HHAT: variants seen among roughly 807,000 people sequenced by gnomAD.
HHAT encodes protein-cysteine N-palmitoyltransferase HHAT.
Under a neutral mutation model 70.8 loss-of-function variants are expected in HHAT, and 47 were observed. The ratio of observed to expected loss-of-function variants is 0.66; its 90% CI spans 0.53 to 0.85. The LOEUF (loss-of-function observed/expected upper bound fraction) is 0.85, where lower values mean the gene tolerates loss of function less well. Among genes scored for constraint, HHAT ranks in the 40% least tolerant of loss-of-function variants. The probability of loss-of-function intolerance (pLI) is 0.00; values close to 1 mark genes in which losing one functional copy is unlikely to be tolerated. For missense variants in HHAT, 609 were observed against 604.8 expected, an observed-to-expected ratio of 1.01 and a Z score of -0.07; for synonymous variants, 228 against 247.6, an observed-to-expected ratio of 0.92 and a Z score of 0.74.
At chr1:210,352,872 C>T (rs1014719972) in intron 2 of HHAT, among the ~76,000 whole-genome samples, 35 of 151,914 alleles carry the variant, frequency 2.3e-4, no homozygotes, top group African/African-American at 8.2e-4. Context: ...TAATCCACAG[C>T]TGTTGCATTA....
intron 6 of HHAT, among the ~76,000 whole-genome samples, chr1:210,414,230 G>A (rs76170311): frequency 0.03 from 4,571 of 152,222 alleles, 240 homozygotes; most frequent in African/African-American, 0.1. Flanking sequence ...CTTGATGACA[G>A]CACTAATCCT....
intron 7 of HHAT, among the ~76,000 whole-genome samples, chr1:210,418,792 G>C (rs2092804320): frequency 6.6e-6 from 1 of 152,116 alleles, no homozygotes; most frequent in Admixed American, 6.5e-5. Context: ...AAGCACTTTG[G>C]GAGGCTGAAG....
chr1:210,374,630 A>T (rs1216199147), intron 3 of HHAT, among the ~76,000 whole-genome samples: 1 of 151,764 alleles, frequency 6.6e-6, no homozygotes, highest in East Asian at 1.9e-4. Flanking sequence ...CCCTTTTTGT[A>T]TAATGGGACT....
At chr1:210,571,507 A>T (rs1384460780) in intron 9 of HHAT, among the ~76,000 whole-genome samples, 1 of 152,190 alleles carries the variant, frequency 6.6e-6, no homozygotes, top group Non-Finnish European at 1.5e-5. Flanking sequence ...CCCCACACTC[A>T]GGACCTGGCT....
At chr1:210,394,462 C>T (rs2091664281) in intron 4 of HHAT, among the ~76,000 whole-genome samples, 1 of 152,060 alleles carries the variant, frequency 6.6e-6, no homozygotes, top group South Asian at 2.1e-4. Flanking sequence ...CAGACAGTTG[C>T]CTCCTTTCAT....
rs749015922 is a variant in HHAT at position 210,418,160 on chromosome 1, C to T, written c.691C>T (p.Gln231Ter). 2 of 1,613,980 alleles carry T rather than the reference C, an allele frequency of 1.2e-6. No homozygotes were observed. The highest frequency in any genetic ancestry group is 2.7e-5 in the African/African-American group (2 of 74,898). ...TCTTTTGTTTCCACTTTAGATGCAG[C>T]AGCAGGAGCATGACTCCCTGAAGGC... is the stretch of plus-strand genomic sequence containing the variant. ...SFSEFIKQMQ[Q>*]QEHDSLKASL... The change falls in exon 7 of 12, where the codon CAG (glutamine) becomes TAG (stop). Residue 231 changes from glutamine to a stop codon, truncating the protein, a stop_gained. Coordinates refer to ENST00000261458, the MANE Select transcript of HHAT (RefSeq NM_018194.6). LOFTEE classifies it high-confidence loss of function.
chr1:210,554,386 G>A (rs561315976), intron 9 of HHAT, among the ~76,000 whole-genome samples: 2 of 152,164 alleles, frequency 1.3e-5, no homozygotes, highest in South Asian at 2.1e-4. Flanking sequence ...GGTGGGATGC[G>A]GTACTCTGAG....
chr1:210,594,930 T>A (rs1662585318), intron 10 of HHAT, among the ~76,000 whole-genome samples: 1 of 151,702 alleles, frequency 6.6e-6, no homozygotes, highest in South Asian at 2.1e-4. Context: ...GCAATGTATG[T>A]TATTTGTTTC....
intron 10 of HHAT, among the ~76,000 whole-genome samples, chr1:210,617,274 T>G (rs1282884934): frequency 6.6e-6 from 1 of 152,212 alleles, no homozygotes. Flanking sequence ...GAGTTAAGAT[T>G]AGGAAATAAA....
At chr1:210,653,649 G>A (rs1282696627) in intron 11 of HHAT, among the ~76,000 whole-genome samples, 1 of 152,162 alleles carries the variant, frequency 6.6e-6, no homozygotes, top group Non-Finnish European at 1.5e-5. Flanking sequence ...GAGGAACTGA[G>A]GGATTAGACA....
intron 8 of HHAT, among the ~76,000 whole-genome samples, chr1:210,491,656 C>T (rs941423498): frequency 4.6e-5 from 7 of 152,224 alleles, no homozygotes; most frequent in Non-Finnish European, 8.8e-5. Context: ...TTATATTCTG[C>T]TCCCAGTTTG....
At chr1:210,331,251 G>GT (rs1157071975) in intron 1 of HHAT, among the ~76,000 whole-genome samples, 1 of 152,018 alleles carries the variant, frequency 6.6e-6, no homozygotes, top group Non-Finnish European at 1.5e-5. Flanking sequence ...GTCCCATCTG[G>GT]GGGGGTGTGT....
intron 10 of HHAT, among the ~76,000 whole-genome samples, chr1:210,619,606 A>C (rs1187994622): frequency 1.3e-5 from 2 of 151,950 alleles, no homozygotes; most frequent in Admixed American, 6.6e-5. Flanking sequence ...GGCTCTGCTG[A>C]CCTTTTGGGC....
At chr1:210,602,366 G>A (rs998241391) in intron 10 of HHAT, among the ~76,000 whole-genome samples, 1 of 152,108 alleles carries the variant, frequency 6.6e-6, no homozygotes, top group Non-Finnish European at 1.5e-5. Flanking sequence ...TAAGCTTTTG[G>A]GAAAGGTTCA....
At chr1:210,342,073 T>C (rs1558313520) in intron 1 of HHAT, among the ~76,000 whole-genome samples, 1 of 152,052 alleles carries the variant, frequency 6.6e-6, no homozygotes, top group African/African-American at 2.4e-5. Context: ...TCCTCTTTTT[T>C]CCCCCTACCA....
At chr1:210,353,156 G>A (rs989592878) in intron 2 of HHAT, among the ~76,000 whole-genome samples, 1 of 151,870 alleles carries the variant, frequency 6.6e-6, no homozygotes, top group African/African-American at 2.4e-5. Context: ...AGCTGGTCTC[G>A]AATTCCTGAC....
intron 1 of HHAT, among the ~76,000 whole-genome samples, chr1:210,341,326 G>A (rs1278513244): frequency 6.6e-6 from 1 of 152,072 alleles, no homozygotes; most frequent in Admixed American, 6.6e-5. Context: ...TGGAAGTGTT[G>A]GAATCCATTA....
At chr1:210,650,974 T>C (rs937229722) in intron 11 of HHAT, among the ~76,000 whole-genome samples, 11 of 152,346 alleles carry the variant, frequency 7.2e-5, no homozygotes, top group Admixed American at 7.2e-4. Flanking sequence ...TTTCACTTTT[T>C]AAATATATTG....
intron 3 of HHAT, chr1:210,374,129 TAA>T (rs1181838347): frequency 6.6e-6 from 1 of 152,202 alleles, no homozygotes; most frequent in Non-Finnish European, 1.5e-5. Flanking sequence ...TTTTCCTCTT[TAA>T]GTCTTTTTTT....
Sources: gnomAD v4.1 joint callset for allele counts (sites outside exome capture counted in the v4.1 genomes callset) on GRCh38, gnomAD v4.1.1 for gene constraint, MANE v1.5 for transcripts, NCBI Gene and HGNC (gene_info 2026-07-23, HGNC 2026-07-21) for gene names.